The following CTDSPL2 variants were observed in gnomAD, a reference collection of about 807,000 sequenced individuals.
CTDSPL2 encodes the protein CTD small phosphatase like 2, also known as CTD small phosphatase-like protein 2.
A neutral mutation model predicts 60.0 loss-of-function variants in CTDSPL2; 5 were observed. The ratio of observed to expected loss-of-function variants is 0.08; its 90% CI spans 0.04 to 0.18. CTDSPL2 has a LOEUF of 0.18. Ranked by LOEUF, CTDSPL2 falls within the 10% of genes least tolerant of loss-of-function variation. CTDSPL2 has a pLI of 1.00. For missense variants in CTDSPL2, 370 were observed against 548.8 expected (o/e 0.67, Z 3.26); for synonymous variants, 186 against 189.3 (o/e 0.98, Z 0.14).
At chr15:44,441,512 T>C (rs143488056) in intron 1 of CTDSPL2, among the ~76,000 whole-genome samples, 157 of 152,348 alleles carry the variant, frequency 1.0e-3, no homozygotes, top group African/African-American at 3.4e-3. Flanking sequence ...AATAATACAT[T>C]CTCATGCTAA....
chr15:44,430,478 T>C (rs929153480), intron 1 of CTDSPL2, among the ~76,000 whole-genome samples: 1 of 151,966 alleles, frequency 6.6e-6, no homozygotes, highest in African/African-American at 2.4e-5. Context: ...AACTCCTGGC[T>C]ACAAGCAATC....
intron 2 of CTDSPL2, among the ~76,000 whole-genome samples, chr15:44,469,352 A>T (rs1384878209): frequency 1.6e-4 from 24 of 152,212 alleles, no homozygotes; most frequent in Admixed American, 1.6e-3. Flanking sequence ...TCTTGCCCAT[A>T]TGAAACAATT....
chr15:44,521,458 GAAAT>G (rs1213728992), intron 12 of CTDSPL2, 52 bp downstream of exon 12: 1 of 958,980 alleles, frequency 1.0e-6, no homozygotes, highest in Non-Finnish European at 1.6e-6. Context: ...CAACTATATT[GAAAT>G]AAATATTTTT....
intron 7 of CTDSPL2, 94 bp from the exon 8 acceptor site, chr15:44,499,633 G>A: frequency 2.9e-6 from 2 of 695,932 alleles, no homozygotes; most frequent in Non-Finnish European, 4.9e-6. Flanking sequence ...ACATATGAAT[G>A]GGTGCTTTAG....
At chr15:44,437,128 T>G (rs1253108574) in intron 1 of CTDSPL2, among the ~76,000 whole-genome samples, 1 of 152,238 alleles carries the variant, frequency 6.6e-6, no homozygotes, top group Non-Finnish European at 1.5e-5. Flanking sequence ...TTTCCACTTG[T>G]GACATTATGT....
chr15:44,486,787 A>C, intron 4 of CTDSPL2, 87 bp downstream of exon 4: 1 of 1,005,192 alleles, frequency 9.9e-7, no homozygotes, highest in Non-Finnish European at 1.4e-6. Context: ...CTTGAGACGA[A>C]GTCTCTCTTT....
chr15:44,493,572 T>A (rs902966121), intron 5 of CTDSPL2, among the ~76,000 whole-genome samples: 15 of 152,134 alleles, frequency 9.9e-5, no homozygotes, highest in African/African-American at 3.6e-4. Flanking sequence ...GGTGGGCAGA[T>A]CACTTGAGCT....
At chr15:44,470,986 T>C (rs2080798113) in intron 2 of CTDSPL2, among the ~76,000 whole-genome samples, 1 of 152,202 alleles carries the variant, frequency 6.6e-6, no homozygotes, top group South Asian at 2.1e-4. Context: ...GTGTTTGTTT[T>C]CTTGAATTCT....
intron 8 of CTDSPL2, among the ~76,000 whole-genome samples, chr15:44,510,629 C>T (rs2081550376): frequency 6.6e-6 from 1 of 151,910 alleles, no homozygotes; most frequent in Admixed American, 6.6e-5. Context: ...AGGTAAAATA[C>T]TAAGTAGAGA....
chr15:44,517,324 C>T (rs2081672345), intron 10 of CTDSPL2: 1 of 150,410 alleles, frequency 6.6e-6, no homozygotes, highest in Non-Finnish European at 1.5e-5. Context: ...GCCTGGCCAA[C>T]ATAATGAAAC....
intron 8 of CTDSPL2, among the ~76,000 whole-genome samples, chr15:44,512,642 G>T (rs1165839121): frequency 6.6e-6 from 1 of 152,180 alleles, no homozygotes; most frequent in African/African-American, 2.4e-5. Flanking sequence ...TACACCAAAT[G>T]TTTCAGGATG....
chr15:44,496,546 T>A, intron 6 of CTDSPL2, 88 bp downstream of exon 6: 1 of 996,858 alleles, frequency 1.0e-6, no homozygotes, highest in Non-Finnish European at 1.6e-6. Context: ...AAATAGTATA[T>A]TGCCAAGATA....
intron 5 of CTDSPL2, among the ~76,000 whole-genome samples, chr15:44,495,548 C>CAA (rs756447042): frequency 4.0e-5 from 4 of 99,632 alleles, no homozygotes; most frequent in African/African-American, 7.4e-5. Flanking sequence ...GACTCCGCCT[C>CAA]AAAAAAAAAA....
intron 1 of CTDSPL2, among the ~76,000 whole-genome samples, chr15:44,449,756 G>A (rs2080296363): frequency 6.6e-6 from 1 of 151,978 alleles, no homozygotes; most frequent in African/African-American, 2.4e-5. Context: ...TTGGGAGGCT[G>A]AGAAGGATGA....
At chr15:44,440,340 T>C (rs1312025102) in intron 1 of CTDSPL2, among the ~76,000 whole-genome samples, 1 of 151,740 alleles carries the variant, frequency 6.6e-6, no homozygotes, top group African/African-American at 2.4e-5. Flanking sequence ...GGATTACAGG[T>C]GCGCACCACC....
At chr15:44,438,199 GC>G (rs1408623345) in intron 1 of CTDSPL2, among the ~76,000 whole-genome samples, 1 of 151,812 alleles carries the variant, frequency 6.6e-6, no homozygotes, top group Non-Finnish European at 1.5e-5. Context: ...GGGAGGTGGA[GC>G]TTGCAGTGAG....
At position 44,509,659 on chromosome 15, in the gene CTDSPL2, A is replaced by G. The variant is rs1169889220; in HGVS notation, c.970-4939A>G. Among the ~76,000 whole-genome samples the G allele has an allele frequency of 2.0e-5, 3 of 152,038 alleles. No individual in the cohort carries two copies. The South Asian group carries it at 6.2e-4, about 32-fold the overall frequency. ...AGTGTAGTGGGTTTTTTGAAATTAT[A>G]TATATGGCTGGGTGCGGTGGCTCAT... On this transcript the variant is annotated intron_variant, in intron 8 of 12. Coordinates refer to ENST00000260327, the MANE Select transcript of CTDSPL2 (RefSeq NM_016396.3).
chr15:44,514,105 T>A (rs2081611601), intron 8 of CTDSPL2, among the ~76,000 whole-genome samples: 1 of 152,200 alleles, frequency 6.6e-6, no homozygotes, highest in African/African-American at 2.4e-5. Flanking sequence ...AATCCAGACG[T>A]CTCCTTTTGA....
At chr15:44,483,843 G>A (rs2081073185) in intron 2 of CTDSPL2, among the ~76,000 whole-genome samples, 1 of 152,130 alleles carries the variant, frequency 6.6e-6, no homozygotes, top group Admixed American at 6.6e-5. Flanking sequence ...ATTCAGTGGG[G>A]CTCCCTCTCC....
Sources: gnomAD v4.1 joint callset for allele counts (sites outside exome capture counted in the v4.1 genomes callset) on GRCh38, gnomAD v4.1.1 for gene constraint, MANE v1.5 for transcripts, NCBI Gene and HGNC (gene_info 2026-07-23, HGNC 2026-07-21) for gene names.